The following GPM6A variants were observed in gnomAD, a reference collection of about 807,000 sequenced individuals.
The protein encoded by GPM6A is glycoprotein M6A.
A neutral mutation model predicts 32.1 loss-of-function variants in GPM6A; 7 were observed. The observed-to-expected ratio is 0.22, with a 90% confidence interval of 0.12 to 0.41. GPM6A has a LOEUF of 0.41. GPM6A is among the 10% of genes least tolerant of loss of function. The probability of loss-of-function intolerance (pLI) is 1.00; values close to 1 mark genes in which losing one functional copy is unlikely to be tolerated. For synonymous variants in GPM6A, 130 were observed against 123.4 expected, an observed-to-expected ratio of 1.05 and a Z score of -0.35; for missense variants, 235 against 347.2, an observed-to-expected ratio of 0.68 and a Z score of 2.57.
chr4:175,965,033 A>C (rs1740290768), intron 1 of GPM6A, among the ~76,000 whole-genome samples: 1 of 151,858 alleles, frequency 6.6e-6, no homozygotes, highest in African/African-American at 2.4e-5. Context: ...GAGCAGGCAG[A>C]AAAGCAGTGA....
At chr4:175,779,798 T>C (rs1303776179) in intron 1 of GPM6A, among the ~76,000 whole-genome samples, 2 of 152,166 alleles carry the variant, frequency 1.3e-5, no homozygotes, top group Non-Finnish European at 2.9e-5. Flanking sequence ...TAGCACTACA[T>C]ATATCCTGAG....
At chr4:175,650,130 C>A (rs535681152) in intron 4 of GPM6A, among the ~76,000 whole-genome samples, 58 of 152,098 alleles carry the variant, frequency 3.8e-4, no homozygotes, top group Middle Eastern at 6.8e-3. Context: ...TTGCCAAGAA[C>A]GTCACCCATA....
chr4:175,698,753 A>G (rs73002163), intron 2 of GPM6A, among the ~76,000 whole-genome samples: 166 of 152,336 alleles, frequency 1.1e-3, no homozygotes, highest in African/African-American at 3.8e-3. Flanking sequence ...TTTTATTCCA[A>G]TCAAAATGGT....
At chr4:175,834,408 T>A (rs1735703613) in intron 1 of GPM6A, among the ~76,000 whole-genome samples, 1 of 152,080 alleles carries the variant, frequency 6.6e-6, no homozygotes, top group Non-Finnish European at 1.5e-5. Context: ...TGAAAAAGAG[T>A]GCAGAATTTT....
chr4:175,980,171 G>A (rs565961270), intron 1 of GPM6A, among the ~76,000 whole-genome samples: 3 of 152,224 alleles, frequency 2.0e-5, no homozygotes, highest in Non-Finnish European at 4.4e-5. Context: ...ACCAGCCTGG[G>A]CAACATAGCA....
intron 1 of GPM6A, among the ~76,000 whole-genome samples, chr4:175,992,680 T>A (rs1397576094): frequency 6.6e-6 from 1 of 152,206 alleles, no homozygotes; most frequent in Non-Finnish European, 1.5e-5. Context: ...TGTTGATTCA[T>A]TTCACAGTTT....
chr4:175,695,668 T>C lies in GPM6A; in HGVS notation c.230+5907A>G, dbSNP rs1047784079. 2.6e-5 allele frequency among the ~76,000 whole-genome samples: 4 copies of C among 152,312 alleles called. No homozygotes were observed. In the South Asian group the frequency reaches 6.2e-4, roughly 24 times the overall value. The stretch of plus-strand genomic sequence containing the variant: ...TTATAGGCTCATAGGTGAAAGGAAC[T>C]GGCCTCATCTCAGATGAGACTTTGG... On this transcript the variant is annotated intron_variant, in intron 2 of 6. Transcript: ENST00000393658.
At chr4:175,770,245 C>T (rs149682101) in intron 1 of GPM6A, among the ~76,000 whole-genome samples, 1,752 of 152,254 alleles carry the variant, frequency 0.012, 41 homozygotes, top group African/African-American at 0.04. Context: ...AGGTTGGTCT[C>T]GAACTCCTGA....
intron 1 of GPM6A, among the ~76,000 whole-genome samples, chr4:175,872,944 G>A (rs1332524847): frequency 6.6e-6 from 1 of 152,042 alleles, no homozygotes; most frequent in African/African-American, 2.4e-5. Flanking sequence ...CCTTCATAAA[G>A]GGATCAAAAG....
intron 1 of GPM6A, among the ~76,000 whole-genome samples, chr4:175,929,973 C>A (rs930755181): frequency 6.6e-6 from 1 of 152,074 alleles, no homozygotes; most frequent in Non-Finnish European, 1.5e-5. Flanking sequence ...AGAGTTAGTT[C>A]TGTCTCATTC....
At chr4:175,678,016 A>T (rs1743472659) in intron 2 of GPM6A, among the ~76,000 whole-genome samples, 1 of 152,162 alleles carries the variant, frequency 6.6e-6, no homozygotes, top group Non-Finnish European at 1.5e-5. Context: ...TAGCACATGT[A>T]TTTTATATAT....
At chr4:175,852,841 A>G (rs1053355319) in intron 1 of GPM6A, among the ~76,000 whole-genome samples, 1 of 152,206 alleles carries the variant, frequency 6.6e-6, no homozygotes, top group African/African-American at 2.4e-5. Flanking sequence ...ATAAAATAAA[A>G]CATTTCACAC....
At chr4:175,787,556 A>G (rs976076932) in intron 1 of GPM6A, 35 of 1,390,592 alleles carry the variant, frequency 2.5e-5, no homozygotes, top group East Asian at 7.9e-5. Context: ...CAATGATTAC[A>G]TACTTGTTGA....
At chr4:175,800,642 C>T (rs17062055) in intron 1 of GPM6A, 73,782 of 153,356 alleles carry the variant, frequency 0.48, 18,129 homozygotes, top group Non-Finnish European at 0.53. Flanking sequence ...GATCATAAAA[C>T]CCATTCAATG....
chr4:175,754,397 C>A (rs1340335726), intron 1 of GPM6A, among the ~76,000 whole-genome samples: 1 of 151,992 alleles, frequency 6.6e-6, no homozygotes, highest in Non-Finnish European at 1.5e-5. Context: ...AAAGTAACTT[C>A]TCAGCAAAAA....
At chr4:175,640,326 T>G in intron 5 of GPM6A, 132 bp from the exon 6 acceptor site, 1 of 693,772 alleles carries the variant, frequency 1.4e-6, no homozygotes, top group South Asian at 1.7e-5. Context: ...ATCACCCACC[T>G]GATTAAAACA....
chr4:175,703,221 G>A (rs533141511), intron 1 of GPM6A, among the ~76,000 whole-genome samples: 10 of 150,562 alleles, frequency 6.6e-5, no homozygotes, highest in African/African-American at 2.4e-4. Context: ...ACCCAGGCTG[G>A]ACTACAGTAG....
chr4:175,862,951 T>G (rs954328213), intron 1 of GPM6A, among the ~76,000 whole-genome samples: 12 of 151,942 alleles, frequency 7.9e-5, no homozygotes, highest in African/African-American at 2.9e-4. Flanking sequence ...AGCATGTGAG[T>G]TTTTGCAAAT....
At position 175,664,844 on chromosome 4, in the gene GPM6A, G is replaced by T. The variant is rs531944896; in HGVS notation, c.387+8836C>A. Among the ~76,000 whole-genome samples the T allele has an allele frequency of 3.8e-4, 58 of 152,266 alleles. 1 individual carries two copies. In the South Asian group the frequency reaches 0.012, roughly 31 times the overall value. On this transcript the variant is annotated intron_variant, in intron 3 of 6. Coordinates refer to ENST00000393658, the MANE Select transcript of GPM6A (RefSeq NM_201591.3). ...GAGAAATTCATCATTAGGCAATTTA[G>T]TCTTTGTACAAACATCCTAATATAT...
Sources: gnomAD v4.1 joint callset for allele counts (sites outside exome capture counted in the v4.1 genomes callset) on GRCh38, gnomAD v4.1.1 for gene constraint, MANE v1.5 for transcripts, NCBI Gene and HGNC (gene_info 2026-07-23, HGNC 2026-07-21) for gene names.